The following KDM4B variants were observed in gnomAD, a reference collection of about 807,000 sequenced individuals.
KDM4B encodes lysine demethylase 4B, also known as lysine-specific demethylase 4B.
Under a neutral mutation model 125.2 loss-of-function variants are expected in KDM4B, and 32 were observed. The observed-to-expected ratio is 0.26, with a 90% CI of 0.19 to 0.34. KDM4B has a LOEUF of 0.34. Among genes scored for constraint, KDM4B ranks in the 10% least tolerant of loss-of-function variants. The pLI, the probability that KDM4B is intolerant of heterozygous loss-of-function variation, is 1.00. For synonymous variants in KDM4B, 721 were observed against 677.9 expected (o/e 1.06, Z -0.99); for missense variants, 1,190 against 1,577.7 (o/e 0.75, Z 4.16).
chr19:5,048,312 G>A (rs928618081), intron 6 of KDM4B, among the ~76,000 whole-genome samples: 1 of 152,230 alleles, frequency 6.6e-6, no homozygotes, highest in Non-Finnish European at 1.5e-5. Context: ...GCACGTGTGC[G>A]CGCGCATGTG....
intron 21 of KDM4B, among the ~76,000 whole-genome samples, chr19:5,149,085 TACGTCTGTCTCCATCCCCACCCATCCC>T (rs1045724692): frequency 2.0e-5 from 3 of 152,228 alleles, no homozygotes; most frequent in African/African-American, 7.2e-5. Context: ...CTCCAGGGCC[TACGTCTGTCTCCATCCCCACCCATCCC>T]TGGAGGAGTC....
intron 10 of KDM4B, 81 bp downstream of exon 10, chr19:5,110,899 T>TG: frequency 1.7e-6 from 2 of 1,150,400 alleles, no homozygotes; most frequent in Non-Finnish European, 2.4e-6. Context: ...CCCTTCCCAC[T>TG]GGCAGGGGCT....
At chr19:5,068,440 T>C (rs2037844232) in intron 6 of KDM4B, among the ~76,000 whole-genome samples, 1 of 152,246 alleles carries the variant, frequency 6.6e-6, no homozygotes, top group East Asian at 1.9e-4. Flanking sequence ...GTCCTGGGGT[T>C]GGTCCCCTAA....
intron 9 of KDM4B, among the ~76,000 whole-genome samples, chr19:5,097,958 C>T (rs753612852): frequency 9.2e-5 from 14 of 152,196 alleles, no homozygotes; most frequent in East Asian, 1.9e-4. Flanking sequence ...GCATGGGGGG[C>T]GCAAATGTCA....
chr19:5,104,342 A>G (rs1568300002), intron 9 of KDM4B, among the ~76,000 whole-genome samples: 3 of 152,256 alleles, frequency 2.0e-5, no homozygotes, highest in Admixed American at 6.5e-5. Context: ...CGGTAAAACT[A>G]CATTAATTCA....
chr19:5,036,860 A>G (rs1280592571), intron 3 of KDM4B, among the ~76,000 whole-genome samples: 1 of 152,250 alleles, frequency 6.6e-6, no homozygotes, highest in East Asian at 1.9e-4. Flanking sequence ...ATTTTCCCAG[A>G]GCCTTCGGGT....
Position 5,151,688 on chromosome 19 carries a change from CAG to C in KDM4B, c.*178_*179del, listed in dbSNP as rs1000608633. The C allele has an allele frequency of 7.8e-5, 37 of 472,808 alleles. No homozygotes were observed. The highest frequency in any genetic ancestry group is 1.1e-4 in the Non-Finnish European group (32 of 293,664). 29.3% of individuals were successfully genotyped at this position (472,808 alleles called of 1,614,324 possible). A position where few individuals can be genotyped will look rare whatever the true frequency, so the allele number is the denominator to read the frequency against. ...GGGACGCCGCACGCGGCCCCAGACT[CAG>C]GGAGCAGGGCCAGGCGGGCTCGGGG... On this transcript the variant is annotated 3_prime_UTR_variant, in exon 23 of 23. Transcript: ENST00000159111.
chr19:4,990,721 C>T (rs892541966), intron 1 of KDM4B, among the ~76,000 whole-genome samples: 11 of 152,138 alleles, frequency 7.2e-5, no homozygotes, highest in Non-Finnish European at 5.9e-5. Flanking sequence ...TGAGATGGCC[C>T]GTAATTCTAA....
chr19:5,031,494 G>A lies in KDM4B; in HGVS notation c.-25-1372G>A, dbSNP rs139453642. Among the ~76,000 whole-genome samples, 72 of 152,376 alleles carry A rather than the reference G, an allele frequency of 4.7e-4. 1 individual carries two copies. In the East Asian group the frequency reaches 0.011, roughly 22 times the overall value. On this transcript the variant is annotated intron_variant, in intron 2 of 22. Coordinates refer to ENST00000159111, the MANE Select transcript of KDM4B (RefSeq NM_015015.3). ...GGACTCTGCACAGAGCAAGGGTGGC[G>A]GGCAGGGCCTCAGCCCACGTGGGCT...
chr19:5,118,006 C>T (rs926629320), intron 10 of KDM4B, among the ~76,000 whole-genome samples: 2 of 152,094 alleles, frequency 1.3e-5, no homozygotes, highest in South Asian at 2.1e-4. Context: ...GAGCACAGGG[C>T]GGGCAGAGTG....
intron 6 of KDM4B, among the ~76,000 whole-genome samples, chr19:5,055,341 A>G (rs1348763989): frequency 6.6e-6 from 1 of 152,232 alleles, no homozygotes; most frequent in Non-Finnish European, 1.5e-5. Context: ...GGACAGACAC[A>G]GACACACTTG....
chr19:4,978,387 A>G (rs970314680), intron 1 of KDM4B, among the ~76,000 whole-genome samples: 6 of 151,776 alleles, frequency 4.0e-5, no homozygotes, highest in African/African-American at 1.2e-4. Flanking sequence ...CGTGCCTGTA[A>G]TCCCAGCTAC....
intron 1 of KDM4B, among the ~76,000 whole-genome samples, chr19:4,982,708 G>A (rs2034688116): frequency 6.6e-6 from 1 of 151,816 alleles, no homozygotes; most frequent in Non-Finnish European, 1.5e-5. Context: ...CACCTCCCGG[G>A]TTCAAGCGAT....
At chr19:5,044,379 C>T (rs527688605) in intron 5 of KDM4B, among the ~76,000 whole-genome samples, 24 of 127,178 alleles carry the variant, frequency 1.9e-4, no homozygotes, top group Non-Finnish European at 3.8e-4. Context: ...CCTTATCCCG[C>T]GTGGTGTTTA....
intron 15 of KDM4B, 127 bp downstream of exon 15, chr19:5,135,688 G>A (rs2039637694): frequency 1.3e-6 from 1 of 792,318 alleles, no homozygotes; most frequent in East Asian, 2.7e-5. Context: ...TGCACTTTCA[G>A]GGCCAGGGCA....
intron 5 of KDM4B, among the ~76,000 whole-genome samples, chr19:5,041,550 A>T (rs1014487624): frequency 6.6e-6 from 1 of 152,160 alleles, no homozygotes; most frequent in Non-Finnish European, 1.5e-5. Flanking sequence ...GTACTTTCCC[A>T]GTCCCTGCCG....
chr19:5,093,429 G>T (rs1359603520), intron 9 of KDM4B, among the ~76,000 whole-genome samples: 1 of 152,192 alleles, frequency 6.6e-6, no homozygotes, highest in Non-Finnish European at 1.5e-5. Context: ...GAATGGCCCC[G>T]CAGCCGAAGC....
intron 2 of KDM4B, among the ~76,000 whole-genome samples, chr19:5,016,780 TA>T (rs1011031882): frequency 6.6e-6 from 1 of 152,240 alleles, no homozygotes; most frequent in African/African-American, 2.4e-5. Context: ...GACTCATTTT[TA>T]AATGCCTTTG....
chr19:5,006,744 G>T (rs1173242479), intron 1 of KDM4B, among the ~76,000 whole-genome samples: 1 of 151,280 alleles, frequency 6.6e-6, no homozygotes, highest in African/African-American at 2.4e-5. Context: ...TTGCACTCCA[G>T]CCTGGGCAAC....
Sources: allele counts gnomAD v4.1 joint callset (sites outside exome capture counted in the v4.1 genomes callset), GRCh38; gene constraint gnomAD v4.1.1; transcripts MANE v1.5; gene names NCBI Gene and HGNC (gene_info 2026-07-23, HGNC 2026-07-21).